The following ITGB3BP variants were observed in gnomAD, a reference collection of about 807,000 sequenced individuals.
ITGB3BP encodes the protein integrin subunit beta 3 binding protein.
In ITGB3BP, 27 loss-of-function variants were observed where a neutral mutation model predicts 29.1. That is an observed-to-expected ratio of 0.93 (90% CI 0.68 to 1.28). The LOEUF (loss-of-function observed/expected upper bound fraction) is 1.28. Ranked by LOEUF, ITGB3BP falls within the 50% of genes most tolerant of loss-of-function variation. ITGB3BP has a pLI of 0.00. For missense variants in ITGB3BP, 192 were observed against 200.2 expected, an observed-to-expected ratio of 0.96 and a Z score of 0.25; for synonymous variants, 61 against 61.4, an observed-to-expected ratio of 0.99 and a Z score of 0.03.
intron 1 of ITGB3BP, 138 bp downstream of exon 1, chr1:63,522,991 G>A: frequency 1.0e-6 from 1 of 963,932 alleles, no homozygotes; most frequent in Non-Finnish European, 1.7e-6. Flanking sequence ...ACCAAGCGAA[G>A]GGAATTGCCT....
At chr1:63,446,367 T>C (rs1419068980) in intron 8 of ITGB3BP, among the ~76,000 whole-genome samples, 1 of 152,248 alleles carries the variant, frequency 6.6e-6, no homozygotes, top group Non-Finnish European at 1.5e-5. Context: ...GTATAACTAA[T>C]AAATATAGAT....
chr1:63,472,484 T>G (rs1645219440), intron 4 of ITGB3BP, among the ~76,000 whole-genome samples: 1 of 119,730 alleles, frequency 8.4e-6, no homozygotes, highest in African/African-American at 3.2e-5. Context: ...CTCTCTCCTC[T>G]CCACGGTCTC....
At chr1:63,478,183 C>T (rs576381412) in intron 4 of ITGB3BP, among the ~76,000 whole-genome samples, 3 of 152,188 alleles carry the variant, frequency 2.0e-5, no homozygotes, top group East Asian at 1.9e-4. Context: ...ATTTTTTTCT[C>T]GAAATATTTT....
At chr1:63,488,925 C>A (rs1473167726) in intron 3 of ITGB3BP, among the ~76,000 whole-genome samples, 5 of 151,912 alleles carry the variant, frequency 3.3e-5, no homozygotes, top group Non-Finnish European at 7.4e-5. Flanking sequence ...TTTTTATGGG[C>A]AAAAGGAATG....
At chr1:63,445,115 T>C (rs1644774683) in intron 8 of ITGB3BP, among the ~76,000 whole-genome samples, 1 of 151,934 alleles carries the variant, frequency 6.6e-6, no homozygotes, top group African/African-American at 2.4e-5. Context: ...TGAAACCCCA[T>C]GTCTAATAAA....
chr1:63,504,125 T>C (rs1557648733), intron 2 of ITGB3BP, among the ~76,000 whole-genome samples: 1 of 151,898 alleles, frequency 6.6e-6, no homozygotes. Context: ...TTTCACAATA[T>C]TGATTCTTCC....
chr1:63,505,421 G>T (rs555503347), intron 2 of ITGB3BP, among the ~76,000 whole-genome samples: 1 of 151,924 alleles, frequency 6.6e-6, no homozygotes, highest in South Asian at 2.1e-4. Flanking sequence ...TATTAGTCTT[G>T]CTAGCAGTCC....
At chr1:63,450,416 C>T (rs900700722) in intron 7 of ITGB3BP, among the ~76,000 whole-genome samples, 10 of 151,836 alleles carry the variant, frequency 6.6e-5, no homozygotes, top group Non-Finnish European at 1.5e-4. Context: ...CATAGACTAA[C>T]GATGGTATTT....
In ITGB3BP at chr1:63,454,108, T is replaced by G. The variant is rs1644899687; in HGVS notation, c.428-134A>C. 1.9e-6 allele frequency: 1 copy of G among 513,900 alleles called. No individual in the cohort carries two copies. The highest frequency in any genetic ancestry group is 3.4e-6 in the Non-Finnish European group (1 of 296,810). The allele number at this position is 513,900 out of a possible 1,614,324, so 31.8% of individuals were successfully genotyped here. The stretch of plus-strand genomic sequence containing the variant: ...ATTTATAAGTACCAAATATAAAATA[T>G]AATACCTTATTATATATTATAAAAA... On this transcript the variant is annotated intron_variant, in intron 6 of 8. Coordinates refer to ENST00000271002, the MANE Select transcript of ITGB3BP (RefSeq NM_014288.5). The surrounding 1 kb of genome is among the most constrained non-coding windows in gnomAD (Gnocchi z 4.1).
At position 63,440,912 on chromosome 1, in the gene ITGB3BP, T is replaced by C. The variant is rs576400790; in HGVS notation, c.*193A>G. 34 of 152,622 alleles carry C rather than the reference T, an allele frequency of 2.2e-4. No homozygotes were observed. The highest frequency in any genetic ancestry group is 4.9e-4 in the Non-Finnish European group (33 of 68,036). The allele number at this position is 152,622 out of a possible 1,614,324, so 9.5% of individuals were successfully genotyped here. On this transcript the variant is annotated 3_prime_UTR_variant, in exon 9 of 9. Transcript: ENST00000271002. The stretch of plus-strand genomic sequence containing the variant: ...GCCAAGAAGAAATGTATTATTTACA[T>C]TGAGATTATCTACTGGTGCGTGTAG...
chr1:63,486,141 T>C (rs1645524792), intron 3 of ITGB3BP, among the ~76,000 whole-genome samples: 1 of 152,052 alleles, frequency 6.6e-6, no homozygotes, highest in African/African-American at 2.4e-5. Context: ...TACTATTATA[T>C]TGTTATAGTC....
intron 1 of ITGB3BP, chr1:63,510,145 G>A (rs969749563): frequency 8.1e-6 from 5 of 620,236 alleles, no homozygotes; most frequent in African/African-American, 3.7e-5. Flanking sequence ...AACGGAAATC[G>A]TGCCATTGCA....
intron 4 of ITGB3BP, among the ~76,000 whole-genome samples, chr1:63,468,721 C>T (rs568451684): frequency 2.6e-5 from 4 of 151,712 alleles, no homozygotes; most frequent in South Asian, 4.2e-4. Context: ...ATTAGCCAGG[C>T]GTGGTTGCGC....
chr1:63,496,003 G>A (rs1041610744), intron 2 of ITGB3BP, among the ~76,000 whole-genome samples: 11 of 151,996 alleles, frequency 7.2e-5, no homozygotes, highest in Admixed American at 2.6e-4. Context: ...TCCAAGCAAC[G>A]GGTATGATTA....
chr1:63,481,946 CTG>C (rs1340854012), intron 3 of ITGB3BP, among the ~76,000 whole-genome samples: 3 of 152,246 alleles, frequency 2.0e-5, no homozygotes, highest in Non-Finnish European at 2.9e-5. Context: ...TAGCTGAAGA[CTG>C]TGCTCTTAAC....
chr1:63,506,821 G>C (rs1302119498), intron 2 of ITGB3BP, among the ~76,000 whole-genome samples: 1 of 152,124 alleles, frequency 6.6e-6, no homozygotes, highest in African/African-American at 2.4e-5. Context: ...TGACCACAAA[G>C]TTACTACTAG....
At chr1:63,466,872 C>T (rs918904071) in intron 4 of ITGB3BP, among the ~76,000 whole-genome samples, 4 of 152,194 alleles carry the variant, frequency 2.6e-5, no homozygotes, top group East Asian at 1.9e-4. Context: ...TGGAGTATTG[C>T]GCCTTCTCCA....
At chr1:63,496,805 T>C (rs1352107508) in intron 2 of ITGB3BP, among the ~76,000 whole-genome samples, 1 of 152,254 alleles carries the variant, frequency 6.6e-6, no homozygotes, top group Non-Finnish European at 1.5e-5. Context: ...TGACTTGATC[T>C]CATTTTACTG....
intron 1 of ITGB3BP, among the ~76,000 whole-genome samples, chr1:63,517,079 G>A (rs945951218): frequency 6.6e-6 from 1 of 151,892 alleles, no homozygotes; most frequent in African/African-American, 2.4e-5. Flanking sequence ...CATGAAAAAT[G>A]AAATATAAAA....
Sources: gnomAD v4.1 joint callset for allele counts (sites outside exome capture counted in the v4.1 genomes callset) on GRCh38, gnomAD v4.1.1 for gene constraint, Gnocchi (gnomAD v3.1) non-coding constraint, MANE v1.5 for transcripts, NCBI Gene and HGNC (gene_info 2026-07-23, HGNC 2026-07-21) for gene names.